Variants in ZNF329 observed in about 807,000 individuals in gnomAD.
ZNF329 encodes zinc finger protein 329.
In ZNF329, 15 loss-of-function variants were observed where a neutral mutation model predicts 26.6. That is an observed-to-expected ratio of 0.56 (90% CI 0.38 to 0.87). The LOEUF is 0.87. ZNF329 is among the 40% of genes least tolerant of loss of function. ZNF329 has a pLI of 0.00. For synonymous variants in ZNF329, 239 were observed against 233.5 expected, an observed-to-expected ratio of 1.02 and a Z score of -0.21; for missense variants, 651 against 651.9, an observed-to-expected ratio of 1.00 and a Z score of 0.02.
intron 1 of ZNF329, among the ~76,000 whole-genome samples, chr19:58,143,908 C>G (rs1483387532): frequency 1.3e-5 from 2 of 151,896 alleles, no homozygotes; most frequent in Non-Finnish European, 2.9e-5. Context: ...TAGTGAAACC[C>G]TGTCTCTACT....
chr19:58,129,189 G>A lies in ZNF329; in HGVS notation c.315C>T (p.Pro105=), dbSNP rs765257889. ...DSNVSGLDCD[P]ALPSYPKSYA... is the part of the protein sequence containing the mutation. ...AACTTTTAGGATAGCTGGGTAAGGC[G>A]GGGTCACAATCCAGACCACTAACAT... is the stretch of plus-strand genomic sequence containing the variant. The change falls in exon 4 of 4, where the codon CCC becomes CCT. Residue 105 remains proline (P), a synonymous_variant. Transcript: ENST00000598312. 40 of 1,614,074 alleles carry A rather than the reference G, an allele frequency of 2.5e-5. No homozygotes were observed. The highest frequency in any genetic ancestry group is 6.7e-5 in the Admixed American group (4 of 60,006).
In ZNF329 at chr19:58,135,339, C is replaced by T. The variant is rs187875476; in HGVS notation, c.-8-5828G>A. Among the ~76,000 whole-genome samples, 507 of 152,140 alleles carry T rather than the reference C, an allele frequency of 3.3e-3. 1 individual carries two copies. The highest frequency in any genetic ancestry group is 3.6e-3 in the Non-Finnish European group (247 of 68,018). ...AGGCTAGAGTGCAGTGGCACGATCT[C>T]GGCTCATTGCAACCTCTACCTCCCG... On this transcript the variant is annotated intron_variant, in intron 3 of 3. Coordinates refer to ENST00000598312, the MANE Select transcript of ZNF329 (RefSeq NM_024620.4).
At chr19:58,142,354 A>G (rs2075207819) in intron 3 of ZNF329, among the ~76,000 whole-genome samples, 1 of 152,228 alleles carries the variant, frequency 6.6e-6, no homozygotes, top group Non-Finnish European at 1.5e-5. Context: ...TTGTACACTT[A>G]AAAGGGTAAA....
intron 3 of ZNF329, among the ~76,000 whole-genome samples, chr19:58,139,467 G>C (rs992540010): frequency 6.6e-6 from 1 of 152,152 alleles, no homozygotes; most frequent in Non-Finnish European, 1.5e-5. Flanking sequence ...CAGCATGATT[G>C]GTTCTGGTGA....
intron 3 of ZNF329, among the ~76,000 whole-genome samples, chr19:58,134,979 C>T (rs2075031827): frequency 6.6e-6 from 1 of 151,942 alleles, no homozygotes; most frequent in Admixed American, 6.6e-5. Flanking sequence ...AAACACAGAG[C>T]AAAGCCAGCT....
At chr19:58,129,610 T>G in intron 3 of ZNF329, 99 bp from the exon 4 acceptor site, 2 of 1,098,664 alleles carry the variant, frequency 1.8e-6, no homozygotes, top group Admixed American at 2.5e-5. Flanking sequence ...GTGTATTTTT[T>G]TACTTGTTTT....
intron 3 of ZNF329, among the ~76,000 whole-genome samples, chr19:58,139,093 C>T (rs980990723): frequency 6.6e-6 from 1 of 152,004 alleles, no homozygotes; most frequent in Non-Finnish European, 1.5e-5. Flanking sequence ...GATGCCTTGG[C>T]AAGACACCAA....
chr19:58,148,403 A>G (rs1401043273), intron 1 of ZNF329, among the ~76,000 whole-genome samples: 1 of 151,768 alleles, frequency 6.6e-6, no homozygotes, highest in African/African-American at 2.4e-5. Context: ...AAAAAAAAAA[A>G]AAAAAAAGAG....
Position 58,137,057 on chromosome 19 carries a change from A to AT in ZNF329, c.-9+5499dup, listed in dbSNP as rs1226898135. The stretch of plus-strand genomic sequence containing the variant: ...CACCTTCAACACCTTGTAAGTACAG[A>AT]TAAAAAAAAAAAAAAAACAGTTTAA... On this transcript the variant is annotated intron_variant, in intron 3 of 3. Transcript: ENST00000598312. The AT allele has an allele frequency of 1.2e-4, 15 of 128,190 alleles. No individual in the cohort carries two copies. The East Asian group carries it at 1.3e-3, about 12-fold the overall frequency. 7.9% of individuals were successfully genotyped at this position (128,190 alleles called of 1,614,324 possible).
chr19:58,130,467 T>C (rs1265657677), intron 3 of ZNF329, among the ~76,000 whole-genome samples: 2 of 151,194 alleles, frequency 1.3e-5, no homozygotes, highest in African/African-American at 4.9e-5. Context: ...GGTCAGGAGA[T>C]TGAGACCATC....
upstream of ZNF329, among the ~76,000 whole-genome samples, chr19:58,151,743 A>G (rs2075458275): frequency 6.6e-6 from 1 of 152,248 alleles, no homozygotes; most frequent in African/African-American, 2.4e-5. Flanking sequence ...TGTTATACAG[A>G]GATTGATACA....
At chr19:58,137,396 G>A (rs1022276947) in intron 3 of ZNF329, among the ~76,000 whole-genome samples, 4 of 151,738 alleles carry the variant, frequency 2.6e-5, no homozygotes, top group African/African-American at 9.7e-5. Context: ...TCTACTAAAA[G>A]TATAAAAATT....
chr19:58,137,688 A>C (rs2075101188), intron 3 of ZNF329, among the ~76,000 whole-genome samples: 1 of 150,920 alleles, frequency 6.6e-6, no homozygotes, highest in African/African-American at 2.4e-5. Context: ...AAAAGGCCAG[A>C]CATGGTGGCT....
At chr19:58,151,808 G>C (rs1043395462), upstream of ZNF329, among the ~76,000 whole-genome samples, 3 of 152,112 alleles carry the variant, frequency 2.0e-5, no homozygotes, top group Non-Finnish European at 2.9e-5. Flanking sequence ...CCTCAAGAAA[G>C]TGGCAACTGA....
rs761660598 is a variant in ZNF329 at position 58,128,321 on chromosome 19, C to T, written c.1183G>A (p.Gly395Arg). Residue 395 changes from glycine (G) to arginine (R), a missense_variant, in exon 4 of 4, where the codon GGG (glycine) becomes AGG (arginine). Transcript: ENST00000598312. ...TCTTTACATTCATAGGGTTTCTCCCCAGAATGGATCTTTTGATGCACAATG... is the reference window on the plus strand; with the variant it reads ...TCTTTACATTCATAGGGTTTCTCCCTAGAATGGATCTTTTGATGCACAATG... ...HLIVHQKIHS[G>R]EKPYECKECG... is the part of the protein sequence containing the mutation. 1 of 1,614,014 alleles carries T rather than the reference C, an allele frequency of 6.2e-7. No individual in the cohort carries two copies.
chr19:58,147,196 G>C (rs1417601860), intron 1 of ZNF329, among the ~76,000 whole-genome samples: 24 of 150,622 alleles, frequency 1.6e-4, no homozygotes, highest in African/African-American at 5.4e-4. Flanking sequence ...GCCTCTGCCC[G>C]GCCGCGACCC....
intron 1 of ZNF329, among the ~76,000 whole-genome samples, chr19:58,148,135 G>C (rs149890309): frequency 0.76 from 115,367 of 150,854 alleles, 44,871 homozygotes; most frequent in Non-Finnish European, 0.86. Flanking sequence ...GTCCACTCAG[G>C]GTTAAATGGA....
At chr19:58,131,510 G>C (rs1468006318) in intron 3 of ZNF329, among the ~76,000 whole-genome samples, 1 of 152,116 alleles carries the variant, frequency 6.6e-6, no homozygotes, top group South Asian at 2.1e-4. Context: ...CACAATAAGA[G>C]ACAAAATGCA....
At chr19:58,139,810 G>A (rs2075146076) in intron 3 of ZNF329, among the ~76,000 whole-genome samples, 1 of 152,144 alleles carries the variant, frequency 6.6e-6, no homozygotes, top group Admixed American at 6.6e-5. Context: ...GGGAAATGCT[G>A]ATCAAAACCA....
Sources: allele counts gnomAD v4.1 joint callset (sites outside exome capture counted in the v4.1 genomes callset), GRCh38; gene constraint gnomAD v4.1.1; transcripts MANE v1.5; gene names NCBI Gene and HGNC (gene_info 2026-07-23, HGNC 2026-07-21).